The following CAMK1D variants were observed in gnomAD, a reference collection of about 807,000 sequenced individuals.
The protein encoded by CAMK1D is calcium/calmodulin-dependent protein kinase type 1D.
In CAMK1D, 9 loss-of-function variants were observed where a neutral mutation model predicts 47.7. The ratio of observed to expected loss-of-function variants is 0.19; its 90% CI spans 0.11 to 0.33. CAMK1D has a LOEUF of 0.33. Ranked by LOEUF, CAMK1D falls within the 10% of genes least tolerant of loss-of-function variation. The pLI, the probability that CAMK1D is intolerant of heterozygous loss-of-function variation, is 1.00. For missense variants in CAMK1D, 291 were observed against 488.7 expected (o/e 0.60, Z 3.81); for synonymous variants, 184 against 184.9 (o/e 0.99, Z 0.04).
At chr10:12,711,903 T>C (rs1833952224) in intron 3 of CAMK1D, among the ~76,000 whole-genome samples, 1 of 152,234 alleles carries the variant, frequency 6.6e-6, no homozygotes, top group Non-Finnish European at 1.5e-5. Flanking sequence ...TATATTTCTA[T>C]TTAGATGTAT....
chr10:12,787,499 C>T (rs565937767), intron 5 of CAMK1D, among the ~76,000 whole-genome samples: 66 of 152,284 alleles, frequency 4.3e-4, no homozygotes, highest in African/African-American at 1.6e-3. Context: ...AGTATCCGCG[C>T]TTCCTAGGCA....
chr10:12,553,240 A>G lies in CAMK1D; in HGVS notation c.108A>G (p.Glu36=), dbSNP rs377417219. The change falls in exon 2 of 11, where the codon GAA becomes GAG. Residue 36 remains glutamate, a synonymous_variant. Coordinates refer to ENST00000619168, the MANE Select transcript of CAMK1D (RefSeq NM_153498.4). The part of the protein sequence containing the change: ...KETLGTGAFS[E]VVLAEEKATG... ...TTGTTCACAGCGGGGCCTTTTCCGA[A>G]GTGGTTTTAGCTGAAGAGAAGGCAA... The G allele has an allele frequency of 7.2e-5, 116 of 1,613,996 alleles. No individual in the cohort carries two copies. Among genetic ancestry groups the G allele is most frequent in the Non-Finnish European group, 9.2e-5 (109 of 1,180,016 alleles).
At chr10:12,714,294 A>G (rs1040752058) in intron 3 of CAMK1D, among the ~76,000 whole-genome samples, 1 of 152,244 alleles carries the variant, frequency 6.6e-6, no homozygotes, top group Non-Finnish European at 1.5e-5. Flanking sequence ...TACATGGCAT[A>G]GTCCCCAAAA....
At chr10:12,461,113 C>T (rs1273038449) in intron 1 of CAMK1D, among the ~76,000 whole-genome samples, 1 of 152,170 alleles carries the variant, frequency 6.6e-6, no homozygotes, top group East Asian at 1.9e-4. Flanking sequence ...TGCAGCCAGC[C>T]TGTGAGGACA....
At chr10:12,685,243 G>A (rs1053974078) in intron 3 of CAMK1D, among the ~76,000 whole-genome samples, 3 of 152,246 alleles carry the variant, frequency 2.0e-5, no homozygotes, top group Non-Finnish European at 4.4e-5. Flanking sequence ...GGAGGTTGCA[G>A]TGAGCCGAGA....
intron 2 of CAMK1D, among the ~76,000 whole-genome samples, chr10:12,625,845 T>C (rs1174661429): frequency 3.3e-5 from 5 of 152,174 alleles, no homozygotes. Context: ...CACATTACAG[T>C]AAATCTGGAA....
chr10:12,528,268 C>T (rs1361322592), intron 1 of CAMK1D, among the ~76,000 whole-genome samples: 1 of 152,234 alleles, frequency 6.6e-6, no homozygotes, highest in Non-Finnish European at 1.5e-5. Flanking sequence ...AATGTCTTAA[C>T]ACTTGACTAT....
intron 7 of CAMK1D, among the ~76,000 whole-genome samples, chr10:12,815,648 C>T (rs1378980291): frequency 2.6e-5 from 4 of 152,270 alleles, no homozygotes; most frequent in African/African-American, 9.6e-5. Flanking sequence ...CCCAGCCCCT[C>T]ACTTTCCCAG....
rs28502428 is a variant in CAMK1D at position 12,481,966 on chromosome 10, C to T, written c.93-71259C>T. ...GATCACTCACGATGCTTAATAATTA[C>T]TCTCCATCAGTCTGCTTAGAATGGC... On this transcript the variant is annotated intron_variant, in intron 1 of 10. Coordinates refer to ENST00000619168, the MANE Select transcript of CAMK1D (RefSeq NM_153498.4). 5.8e-3 allele frequency among the ~76,000 whole-genome samples: 888 copies of T among 152,238 alleles called. 9 individuals carry two copies. Among genetic ancestry groups the T allele is most frequent in the African/African-American group, 0.021 (854 of 41,532 alleles).
intron 2 of CAMK1D, among the ~76,000 whole-genome samples, chr10:12,570,051 G>T (rs1837274001): frequency 6.6e-6 from 1 of 151,786 alleles, no homozygotes; most frequent in South Asian, 2.1e-4. Context: ...AATACAAAAA[G>T]TAGCTGGATG....
chr10:12,650,339 C>T (rs1441943781), intron 2 of CAMK1D, among the ~76,000 whole-genome samples: 1 of 152,234 alleles, frequency 6.6e-6, no homozygotes, highest in Non-Finnish European at 1.5e-5. Context: ...CAGGGCTGTG[C>T]CCGCATAGCC....
chr10:12,810,151 T>TAA (rs749675063), intron 6 of CAMK1D, among the ~76,000 whole-genome samples: 33 of 81,412 alleles, frequency 4.1e-4, no homozygotes, highest in African/African-American at 9.2e-4. Flanking sequence ...CCTGTCTCAT[T>TAA]AAAAAAAAAA....
chr10:12,385,850 G>A (rs931448917), intron 1 of CAMK1D, among the ~76,000 whole-genome samples: 3 of 150,364 alleles, frequency 2.0e-5, no homozygotes, highest in African/African-American at 7.3e-5. Flanking sequence ...GGGTTCAAGC[G>A]ATTCTCTTGC....
intron 2 of CAMK1D, among the ~76,000 whole-genome samples, chr10:12,568,947 T>C (rs1837230498): frequency 6.6e-6 from 1 of 152,224 alleles, no homozygotes; most frequent in Non-Finnish European, 1.5e-5. Context: ...TATGCCTCTT[T>C]AAAAGGCGAT....
chr10:12,557,550 TCAA>T (rs1159183834), intron 2 of CAMK1D, among the ~76,000 whole-genome samples: 1 of 30,716 alleles, frequency 3.3e-5, no homozygotes. Context: ...AGACTCCATC[TCAA>T]AAAAAAAAAA....
intron 1 of CAMK1D, among the ~76,000 whole-genome samples, chr10:12,418,539 T>C (rs911685975): frequency 4.6e-5 from 7 of 152,250 alleles, no homozygotes; most frequent in Middle Eastern, 3.4e-3. Flanking sequence ...ACCTAGGAGT[T>C]TGAGGCTGCA....
intron 1 of CAMK1D, among the ~76,000 whole-genome samples, chr10:12,359,899 G>A (rs1837611662): frequency 6.6e-6 from 1 of 152,106 alleles, no homozygotes; most frequent in Admixed American, 6.6e-5. Context: ...ATACCCTTTT[G>A]GGGGATTTTT....
chr10:12,708,029 T>C (rs532202656), intron 3 of CAMK1D, among the ~76,000 whole-genome samples: 3 of 152,342 alleles, frequency 2.0e-5, no homozygotes, highest in African/African-American at 7.2e-5. Flanking sequence ...CGAGGCAGCA[T>C]TGTCATTGCC....
chr10:12,696,158 T>G (rs945580651), intron 3 of CAMK1D, among the ~76,000 whole-genome samples: 1 of 152,194 alleles, frequency 6.6e-6, no homozygotes, highest in Non-Finnish European at 1.5e-5. Context: ...TACTTTTGTC[T>G]TGTAAGTAGA....
Sources: gnomAD v4.1 joint callset for allele counts (sites outside exome capture counted in the v4.1 genomes callset) on GRCh38, gnomAD v4.1.1 for gene constraint, MANE v1.5 for transcripts, NCBI Gene and HGNC (gene_info 2026-07-23, HGNC 2026-07-21) for gene names.